PTH1R: variants seen among roughly 807,000 people sequenced by gnomAD.
The protein encoded by PTH1R is parathyroid hormone/parathyroid hormone-related peptide receptor.
In PTH1R, 32 loss-of-function variants were observed where a neutral mutation model predicts 70.7. The ratio of observed to expected loss-of-function variants is 0.45; its 90% CI spans 0.34 to 0.61. The LOEUF is 0.61. PTH1R is among the 20% of genes least tolerant of loss of function. The pLI, the probability that PTH1R is intolerant of heterozygous loss-of-function variation, is 0.01. For missense variants in PTH1R, 626 were observed against 792.5 expected, an observed-to-expected ratio of 0.79 and a Z score of 2.52; for synonymous variants, 329 against 324.8, an observed-to-expected ratio of 1.01 and a Z score of -0.14.
At chr3:46,881,898 G>C (rs946451083) in intron 2 of PTH1R, among the ~76,000 whole-genome samples, 1 of 152,156 alleles carries the variant, frequency 6.6e-6, no homozygotes, top group Non-Finnish European at 1.5e-5. Flanking sequence ...CATGATGAAA[G>C]AGGGCTCGCT....
intron 3 of PTH1R, among the ~76,000 whole-genome samples, chr3:46,886,420 C>A (rs575670149): frequency 6.6e-6 from 1 of 152,098 alleles, no homozygotes; most frequent in African/African-American, 2.4e-5. Context: ...TGCAGTAGTG[C>A]GATCTCGGCT....
At position 46,895,080 on chromosome 3, in the gene PTH1R, AAAAC is replaced by A. The variant is rs1182008453; in HGVS notation, c.179-643_179-640del. On this transcript the variant is annotated intron_variant, in intron 4 of 15. Coordinates refer to ENST00000449590, the MANE Select transcript of PTH1R (RefSeq NM_000316.3). ...CCTTGTCTCAAAAAAAAAAACAAAA[AAAAC>A]AAACAAACAAAAAAAAAAAACGTCC... 2.8e-5 allele frequency among the ~76,000 whole-genome samples: 3 copies of A among 106,422 alleles called. 1 individual carries two copies. Among genetic ancestry groups the A allele is most frequent in the Non-Finnish European group, 4.7e-5 (2 of 42,672 alleles). 69.8% of individuals were successfully genotyped at this position (106,422 alleles called of 152,430 possible). A position where few individuals can be genotyped will look rare whatever the true frequency, so the allele number is the denominator to read the frequency against.
chr3:46,889,761 G>C (rs1156565743), intron 3 of PTH1R, among the ~76,000 whole-genome samples: 1 of 152,144 alleles, frequency 6.6e-6, no homozygotes, highest in Non-Finnish European at 1.5e-5. Flanking sequence ...TGGCCTGTAA[G>C]TGGTGGGTAT....
rs199890811 is a variant in PTH1R, at chr3:46,903,336, C to T, written c.1462C>T (p.Arg488Cys). The change falls in exon 16 of 16, where the codon CGC becomes TGC. Residue 488 changes from arginine (R) to cysteine (C), a missense_variant. Physicochemically the swap from Arg to Cys is radical, Grantham distance 180 (BLOSUM62 -3). Transcript: ENST00000449590. This position sits in a 1 kb window ranked among gnomAD's most constrained non-coding sequence, Gnocchi z 4.4. ...GGCACTGGACTTCAAGCGAAAGGCA[C>T]GCAGCGGGAGCAGCAGCTATAGCTA... ...TLALDFKRKA[R>C]SGSSSYSYGP... The T allele has an allele frequency of 2.0e-5, 32 of 1,613,718 alleles. No individual in the cohort carries two copies. The highest frequency in any genetic ancestry group is 2.2e-5 in the East Asian group (1 of 44,886).
chr3:46,885,261 A>G (rs1366628950), intron 3 of PTH1R, among the ~76,000 whole-genome samples: 1 of 152,098 alleles, frequency 6.6e-6, no homozygotes, highest in Non-Finnish European at 1.5e-5. Flanking sequence ...GTTGTGGTGC[A>G]TGACTTGGAG....
intron 4 of PTH1R, 79 bp from the exon 5 acceptor site, chr3:46,895,656 G>A: frequency 1.9e-6 from 3 of 1,608,952 alleles, no homozygotes; most frequent in Non-Finnish European, 1.7e-6. Context: ...TACAAAGGGG[G>A]AGTCTGAGGC....
At position 46,898,696 on chromosome 3, in the gene PTH1R, C is replaced by T. The variant is rs781082982; in HGVS notation, c.673C>T (p.His225Tyr). 2 of 1,612,480 alleles carry T rather than the reference C, an allele frequency of 1.2e-6. No individual in the cohort carries two copies. Among genetic ancestry groups the T allele is most frequent in the Non-Finnish European group, 1.7e-6 (2 of 1,179,788 alleles). Reference sequence around the variant, plus strand: ...CTGCACGCGCAACTACATCCACATGCACCTGTTCCTGTCCTTCATGCTGCG... The same window carrying T: ...CTGCACGCGCAACTACATCCACATGTACCTGTTCCTGTCCTTCATGCTGCG... ...LHCTRNYIHM[H>Y]LFLSFMLRAV... is the part of the protein sequence containing the mutation. Residue 225 changes from histidine to tyrosine, a missense_variant, in exon 9 of 16, where the codon CAC (histidine) becomes TAC (tyrosine). Physicochemically the swap from His to Tyr is moderately conservative, Grantham distance 83. Coordinates refer to ENST00000449590, the MANE Select transcript of PTH1R (RefSeq NM_000316.3).
In PTH1R at chr3:46,883,708, A is replaced by G; in HGVS notation, c.75+74A>G. On this transcript the variant is annotated intron_variant, in intron 3 of 15. Coordinates refer to ENST00000449590, the MANE Select transcript of PTH1R (RefSeq NM_000316.3). This position sits in a 1 kb window ranked among gnomAD's most constrained non-coding sequence, Gnocchi z 6.4. ...AGGGTCCGCGGGATAGGTCTAAGGCACGCAGTCTTGAGTTCCCCCAGTAGT... is the reference window on the plus strand; with the variant it reads ...AGGGTCCGCGGGATAGGTCTAAGGCGCGCAGTCTTGAGTTCCCCCAGTAGT... 1 of 1,518,546 alleles carries G rather than the reference A, an allele frequency of 6.6e-7. No individual in the cohort carries two copies. Among genetic ancestry groups the G allele is most frequent in the Non-Finnish European group, 8.9e-7 (1 of 1,126,408 alleles). 94.1% of individuals were successfully genotyped at this position (1,518,546 alleles called of 1,614,324 possible). A position where few individuals can be genotyped will look rare whatever the true frequency, so the allele number is the denominator to read the frequency against.
intron 4 of PTH1R, among the ~76,000 whole-genome samples, chr3:46,895,140 C>T (rs1351720683): frequency 1.3e-5 from 2 of 151,390 alleles, no homozygotes; most frequent in Non-Finnish European, 2.9e-5. Context: ...AGAGGCCAGG[C>T]TCCATCTCAG....
At position 46,883,590 on chromosome 3, in the gene PTH1R, G is replaced by A; in HGVS notation, c.31G>A (p.Ala11Thr). 3 of 1,541,408 alleles carry A rather than the reference G, an allele frequency of 1.9e-6. No homozygotes were observed. The highest frequency in any genetic ancestry group is 2.6e-6 in the Non-Finnish European group (3 of 1,146,480). The change falls in exon 3 of 16, where the codon GCG becomes ACG. Residue 11 changes from alanine (A) to threonine (T), a missense_variant. Ala to Thr is a moderately conservative substitution (Grantham distance 58). This residue lies in a region of PTH1R where 123 missense variants were observed against 125.7 expected (regional missense o/e 0.98). Coordinates refer to ENST00000449590, the MANE Select transcript of PTH1R (RefSeq NM_000316.3). The surrounding 1 kb of genome is among the most constrained non-coding windows in gnomAD (Gnocchi z 6.4). ...GACCGCCCGGATCGCACCCGGCCTG[G>A]CGCTCCTGCTCTGCTGCCCCGTGCT... MGTARIAPGL[A>T]LLLCCPVLSS...
chr3:46,892,638 C>A lies in PTH1R; in HGVS notation c.76-1269C>A. On this transcript the variant is annotated intron_variant, in intron 3 of 15. Transcript: ENST00000449590. This position sits in a 1 kb window ranked among gnomAD's most constrained non-coding sequence, Gnocchi z 5.2. ...CCTGCAGCCAGGCTCTCTGACCCGG[C>A]CTGCCCGCCCCTCTCGCCGGTGCCC... The A allele has an allele frequency of 1.5e-6, 1 of 667,458 alleles. No individual in the cohort carries two copies. Among genetic ancestry groups the A allele is most frequent in the Non-Finnish European group, 1.9e-6 (1 of 538,032 alleles). 41.3% of individuals were successfully genotyped at this position (667,458 alleles called of 1,614,324 possible).
rs1034558082 is a variant in PTH1R, at chr3:46,896,187, A to G, written c.313+318A>G. Among the ~76,000 whole-genome samples, 1 of 110,978 alleles carries G rather than the reference A, an allele frequency of 9.0e-6. No individual in the cohort carries two copies. Among genetic ancestry groups the G allele is most frequent in the African/African-American group, 2.7e-5 (1 of 37,726 alleles). 72.8% of individuals were successfully genotyped at this position (110,978 alleles called of 152,430 possible). A position where few individuals can be genotyped will look rare whatever the true frequency, so the allele number is the denominator to read the frequency against. ...GGGGGACAGAGAGGCAGGGAGAGAT[A>G]CACAAAGACAGACAGATAGTGACAG... is the stretch of plus-strand genomic sequence containing the variant. On this transcript the variant is annotated intron_variant, in intron 5 of 15. Transcript: ENST00000449590. The surrounding 1 kb of genome is among the most constrained non-coding windows in gnomAD (Gnocchi z 4.1).
intron 4 of PTH1R, 118 bp from the exon 5 acceptor site, chr3:46,895,617 C>T: frequency 6.6e-7 from 1 of 1,512,018 alleles, no homozygotes; most frequent in East Asian, 2.3e-5. Flanking sequence ...GCCTAGGTGT[C>T]ACCAGGGCAG....
intron 1 of PTH1R, among the ~76,000 whole-genome samples, chr3:46,878,990 G>C (rs936831086): frequency 6.6e-6 from 1 of 152,218 alleles, no homozygotes; most frequent in South Asian, 2.1e-4. Flanking sequence ...CCCCTGGGGC[G>C]TGCTTGTCAA....
chr3:46,895,039 G>A (rs1321476417), intron 4 of PTH1R, among the ~76,000 whole-genome samples: 1 of 149,522 alleles, frequency 6.7e-6, no homozygotes, highest in Non-Finnish European at 1.5e-5. Context: ...ACTCCAGGCT[G>A]GGCGATAGAG....
At position 46,892,737 on chromosome 3, in the gene PTH1R, C is replaced by T; in HGVS notation, c.76-1170C>T. On this transcript the variant is annotated intron_variant, in intron 3 of 15. Transcript: ENST00000449590. This position sits in a 1 kb window ranked among gnomAD's most constrained non-coding sequence, Gnocchi z 5.2. ...CCCGCCCTTCACAGCCATGCTCGGA[C>T]TGCAGGGCCCCGGCCCCGCCTTGGC... 1.0e-6 allele frequency: 1 copy of T among 985,818 alleles called. No homozygotes were observed. The highest frequency in any genetic ancestry group is 1.2e-6 in the Non-Finnish European group (1 of 830,120). 61.1% of individuals were successfully genotyped at this position (985,818 alleles called of 1,614,324 possible).
In PTH1R at chr3:46,902,730, G is replaced by C. The variant is rs562494064; in HGVS notation, c.1354-19G>C. 3.7e-6 allele frequency: 6 copies of C among 1,613,986 alleles called. No homozygotes were observed. The highest frequency in any genetic ancestry group is 5.1e-6 in the Non-Finnish European group (6 of 1,180,014). Reference sequence around the variant, plus strand: ...GGGGTTCCGGGGGCAGGCCTGATTCGAGACACCCCTCTTCACAGGGATTTT... The same window carrying C: ...GGGGTTCCGGGGGCAGGCCTGATTCCAGACACCCCTCTTCACAGGGATTTT... On this transcript the variant is annotated intron_variant, in intron 14 of 15. Transcript: ENST00000449590. The surrounding 1 kb of genome is among the most constrained non-coding windows in gnomAD (Gnocchi z 5.4).
In PTH1R at chr3:46,895,767, T is replaced by C; in HGVS notation, c.211T>C (p.Ser71Pro). ...SIMESDKGWT[S>P]ASTSGKPRKD... ...AATGGAATCAGACAAGGGATGGACA[T>C]CTGCGTCCACATCAGGGAAGCCCAG... is the stretch of plus-strand genomic sequence containing the variant. Residue 71 changes from serine (S) to proline (P), a missense_variant, in exon 5 of 16, where the codon TCT (serine) becomes CCT (proline). Physicochemically the swap from Ser to Pro is moderately conservative, Grantham distance 74. Transcript: ENST00000449590. 1 of 1,614,166 alleles carries C rather than the reference T, an allele frequency of 6.2e-7. No individual in the cohort carries two copies. Among genetic ancestry groups the C allele is most frequent in the Non-Finnish European group, 8.5e-7 (1 of 1,180,022 alleles).
At position 46,879,978 on chromosome 3, in the gene PTH1R, G is replaced by A. The variant is rs1033359638; in HGVS notation, c.-105-1084G>A. Among the ~76,000 whole-genome samples, 29 of 152,118 alleles carry A rather than the reference G, an allele frequency of 1.9e-4. No individual in the cohort carries two copies. The highest frequency in any genetic ancestry group is 6.0e-4 in the African/African-American group (25 of 41,414). On this transcript the variant is annotated intron_variant, in intron 1 of 15. Coordinates refer to ENST00000449590, the MANE Select transcript of PTH1R (RefSeq NM_000316.3). The surrounding 1 kb of genome is among the most constrained non-coding windows in gnomAD (Gnocchi z 4.7). Reference sequence around the variant, plus strand: ...TGCTTGAACCCGGGAGGTGGAGGTTGCAGTCAGCCGAGATCGCACCACTGC... The same window carrying A: ...TGCTTGAACCCGGGAGGTGGAGGTTACAGTCAGCCGAGATCGCACCACTGC...
Sources: allele counts gnomAD v4.1 joint callset (sites outside exome capture counted in the v4.1 genomes callset), GRCh38; gene constraint gnomAD v4.1.1; regional missense constraint gnomAD v4.1.1; non-coding constraint Gnocchi (gnomAD v3.1); transcripts MANE v1.5; gene names NCBI Gene and HGNC (gene_info 2026-07-23, HGNC 2026-07-21).